CPNE4: variants seen among roughly 807,000 people sequenced by gnomAD.
CPNE4 encodes the protein copine-4.
In CPNE4, 25 loss-of-function variants were observed where a neutral mutation model predicts 67.9. The observed-to-expected ratio is 0.37, with a 90% CI of 0.27 to 0.51. The LOEUF is 0.51. CPNE4 is among the 20% of genes least tolerant of loss of function. The probability of loss-of-function intolerance (pLI) is 0.93; values close to 1 mark genes in which losing one functional copy is unlikely to be tolerated. For synonymous variants in CPNE4, 242 were observed against 244.9 expected, an observed-to-expected ratio of 0.99 and a Z score of 0.11; for missense variants, 464 against 690.8, an observed-to-expected ratio of 0.67 and a Z score of 3.68.
upstream of CPNE4, chr3:132,037,447 A>G (rs1583630802): frequency 3.8e-6 from 3 of 799,570 alleles, no homozygotes; most frequent in East Asian, 8.0e-5. Context: ...GAAGATTTGT[A>G]ACCAGCTAAT....
At chr3:131,888,247 G>A (rs1227676275) in intron 2 of CPNE4, among the ~76,000 whole-genome samples, 1 of 152,150 alleles carries the variant, frequency 6.6e-6, no homozygotes, top group African/African-American at 2.4e-5. Flanking sequence ...ATTGAGGTAG[G>A]CTAAAATATG....
intron 1 of CPNE4, among the ~76,000 whole-genome samples, chr3:131,922,230 T>A (rs1359156315): frequency 6.6e-6 from 1 of 152,220 alleles, no homozygotes; most frequent in Non-Finnish European, 1.5e-5. Context: ...GCTGCATTCA[T>A]GTTGCTACAA....
At chr3:131,567,184 A>G (rs1205978861) in intron 10 of CPNE4, among the ~76,000 whole-genome samples, 1 of 151,994 alleles carries the variant, frequency 6.6e-6, no homozygotes, top group African/African-American at 2.4e-5. Context: ...ATATAAAACT[A>G]GACAATGCAA....
At chr3:131,801,452 G>GTGTGTGTGTATATATA (rs761978890) in intron 2 of CPNE4, among the ~76,000 whole-genome samples, 1 of 53,350 alleles carries the variant, frequency 1.9e-5, no homozygotes, top group African/African-American at 7.8e-5. Flanking sequence ...GTGTGTGTGT[G>GTGTGTGTGTATATATA]TATATATATA....
At chr3:131,801,371 CCATATATATATATATGGTACATATATAT>C (rs2084102335) in intron 2 of CPNE4, among the ~76,000 whole-genome samples, 2 of 95,934 alleles carry the variant, frequency 2.1e-5, no homozygotes, top group East Asian at 6.9e-4. Flanking sequence ...TATATATGTA[CCATATATATATATATGGTACATATATAT>C]ATAGGTACAT....
chr3:131,769,958 G>T (rs1232458597), intron 2 of CPNE4, among the ~76,000 whole-genome samples: 1 of 151,986 alleles, frequency 6.6e-6, no homozygotes, highest in Non-Finnish European at 1.5e-5. Context: ...CTCTTGTTCT[G>T]GGCCCCAAAA....
chr3:131,799,491 C>A (rs1193121235), intron 2 of CPNE4, among the ~76,000 whole-genome samples: 1 of 152,132 alleles, frequency 6.6e-6, no homozygotes, highest in African/African-American at 2.4e-5. Context: ...TCTACCTACT[C>A]TGGTGTTGTG....
In CPNE4 at chr3:131,533,645, A is replaced by G. The variant is rs1161923788; in HGVS notation, c.*1550T>C. 6.6e-6 allele frequency: 1 copy of G among 152,224 alleles called. No homozygotes were observed. Among genetic ancestry groups the G allele is most frequent in the African/African-American group, 2.4e-5 (1 of 41,458 alleles). The allele number at this position is 152,224 out of a possible 1,614,324, so 9.4% of individuals were successfully genotyped here. A position where few individuals can be genotyped will look rare whatever the true frequency, so the allele number is the denominator to read the frequency against. On this transcript the variant is annotated 3_prime_UTR_variant, in exon 16 of 16. Transcript: ENST00000429747. The stretch of plus-strand genomic sequence containing the variant: ...ATTTTTTCAGTCATACAATTTTACC[A>G]TCATTCCCAAAATGTTGTGCATTTG...
chr3:131,579,220 CA>C (rs1937634328), intron 9 of CPNE4, among the ~76,000 whole-genome samples: 1 of 152,194 alleles, frequency 6.6e-6, no homozygotes, highest in Admixed American at 6.5e-5. Context: ...CCATGCTCTA[CA>C]AATGGAAGAG....
At chr3:131,691,589 G>A (rs948470350) in intron 5 of CPNE4, among the ~76,000 whole-genome samples, 3 of 151,956 alleles carry the variant, frequency 2.0e-5, no homozygotes, top group African/African-American at 7.3e-5. Context: ...CTACCTATTG[G>A]GTCCTATGCT....
chr3:131,611,066 C>T (rs905357878), intron 7 of CPNE4, among the ~76,000 whole-genome samples: 3 of 152,138 alleles, frequency 2.0e-5, no homozygotes, highest in African/African-American at 7.2e-5. Context: ...TTCTTATAAT[C>T]AGCATTTATC....
chr3:131,759,860 A>G (rs577839200), intron 2 of CPNE4, among the ~76,000 whole-genome samples: 2 of 152,288 alleles, frequency 1.3e-5, no homozygotes, highest in African/African-American at 2.4e-5. Context: ...TCTATTAGGC[A>G]CCTCACTAGC....
chr3:131,545,048 G>C (rs1253012047), intron 14 of CPNE4, among the ~76,000 whole-genome samples: 1 of 152,172 alleles, frequency 6.6e-6, no homozygotes, highest in East Asian at 1.9e-4. Flanking sequence ...ACATTAATAA[G>C]TATTTTAGGC....
chr3:131,726,984 A>G (rs1052950830), intron 2 of CPNE4, among the ~76,000 whole-genome samples: 3 of 152,204 alleles, frequency 2.0e-5, no homozygotes, highest in Admixed American at 6.5e-5. Flanking sequence ...CTCTTCCCTA[A>G]TCGTGATGAC....
intron 7 of CPNE4, among the ~76,000 whole-genome samples, chr3:131,665,691 C>CAAAAA (rs1389954088): frequency 9.9e-6 from 1 of 101,484 alleles, no homozygotes; most frequent in Non-Finnish European, 2.2e-5. Context: ...AAACAAAAAA[C>CAAAAA]AGAAAGAAAA....
chr3:131,662,601 G>A (rs942002165), intron 7 of CPNE4, among the ~76,000 whole-genome samples: 2 of 147,232 alleles, frequency 1.4e-5, no homozygotes, highest in African/African-American at 2.6e-5. Flanking sequence ...AATCTATAAG[G>A]AACTTAAACA....
chr3:131,995,713 T>C (rs140467183), intron 1 of CPNE4, among the ~76,000 whole-genome samples: 72 of 152,302 alleles, frequency 4.7e-4, no homozygotes, highest in African/African-American at 1.7e-3. Flanking sequence ...GGACTACCTA[T>C]TCCTGAGAAA....
At chr3:132,004,210 T>C (rs963504583) in intron 1 of CPNE4, among the ~76,000 whole-genome samples, 25 of 152,280 alleles carry the variant, frequency 1.6e-4, no homozygotes, top group African/African-American at 5.1e-4. Flanking sequence ...ATCCATTCTA[T>C]ATCTATGTCT....
chr3:131,725,171 C>A (rs2081973608), intron 2 of CPNE4, among the ~76,000 whole-genome samples: 1 of 152,126 alleles, frequency 6.6e-6, no homozygotes. Context: ...AGTTCTTAAC[C>A]ATATTATGCA....
Sources: allele counts gnomAD v4.1 joint callset (sites outside exome capture counted in the v4.1 genomes callset), GRCh38; gene constraint gnomAD v4.1.1; transcripts MANE v1.5; gene names NCBI Gene and HGNC (gene_info 2026-07-23, HGNC 2026-07-21).